The following AK5 variants were observed in gnomAD, a reference collection of about 807,000 sequenced individuals.
AK5 encodes the protein adenylate kinase isoenzyme 5.
In AK5, 27 loss-of-function variants were observed where a neutral mutation model predicts 69.5. That is an observed-to-expected ratio of 0.39 (90% confidence interval 0.29 to 0.54). The LOEUF is 0.54. AK5 is among the 20% of genes least tolerant of loss of function. AK5 has a pLI of 0.71. For missense variants in AK5, 531 were observed against 700.4 expected, an observed-to-expected ratio of 0.76 and a Z score of 2.73; for synonymous variants, 260 against 244.4, an observed-to-expected ratio of 1.06 and a Z score of -0.60.
chr1:77,286,080 A>C lies in AK5; in HGVS notation c.61-861A>C, dbSNP rs558213058. 2.6e-5 allele frequency among the ~76,000 whole-genome samples: 4 copies of C among 152,212 alleles called. No homozygotes were observed. In the East Asian group the frequency reaches 7.7e-4, roughly 29 times the overall value. ...GAAGAAGGGGTTCACAGACAAACCT[A>C]GGGATTCAGAGAAGACTTCCTGATA... On this transcript the variant is annotated intron_variant, in intron 1 of 13. Coordinates refer to ENST00000354567, the MANE Select transcript of AK5 (RefSeq NM_174858.3).
intron 12 of AK5, among the ~76,000 whole-genome samples, chr1:77,524,764 A>G (rs1658180618): frequency 6.6e-6 from 1 of 152,026 alleles, no homozygotes; most frequent in Non-Finnish European, 1.5e-5. Flanking sequence ...CAATTTATCT[A>G]TTTTTACTTC....
chr1:77,325,231 T>C (rs1277961524), intron 5 of AK5, among the ~76,000 whole-genome samples: 2 of 151,210 alleles, frequency 1.3e-5, no homozygotes, highest in African/African-American at 4.9e-5. Flanking sequence ...GGTCTCAAGC[T>C]CCTGACCTGG....
At chr1:77,554,019 C>T (rs1207398348) in intron 13 of AK5, among the ~76,000 whole-genome samples, 1 of 152,132 alleles carries the variant, frequency 6.6e-6, no homozygotes, top group East Asian at 1.9e-4. Flanking sequence ...CATAAACGAA[C>T]CTTGAAAACA....
intron 12 of AK5, among the ~76,000 whole-genome samples, chr1:77,529,640 G>T (rs1268024361): frequency 6.6e-6 from 1 of 152,144 alleles, no homozygotes; most frequent in Non-Finnish European, 1.5e-5. Context: ...CTTGAGAAGG[G>T]CTCTGTGCTT....
At chr1:77,464,831 A>G (rs1282096992) in intron 8 of AK5, among the ~76,000 whole-genome samples, 3 of 152,154 alleles carry the variant, frequency 2.0e-5, no homozygotes, top group Non-Finnish European at 2.9e-5. Flanking sequence ...TTATTAGGCC[A>G]AAAGAGATGA....
At chr1:77,482,001 G>A (rs571145066) in intron 8 of AK5, among the ~76,000 whole-genome samples, 11 of 152,316 alleles carry the variant, frequency 7.2e-5, no homozygotes, top group African/African-American at 2.6e-4. Context: ...TACTTATATG[G>A]AAATTTCTCC....
intron 5 of AK5, among the ~76,000 whole-genome samples, chr1:77,332,888 G>T (rs1486639421): frequency 6.6e-6 from 1 of 151,976 alleles, no homozygotes; most frequent in African/African-American, 2.4e-5. Context: ...TGCTCAGAAA[G>T]ATATATTAAA....
intron 6 of AK5, among the ~76,000 whole-genome samples, chr1:77,402,489 C>T (rs958969671): frequency 7.0e-6 from 1 of 141,934 alleles, no homozygotes; most frequent in Non-Finnish European, 1.5e-5. Flanking sequence ...TGTTCCCCTT[C>T]CTGTGTCCAT....
intron 5 of AK5, among the ~76,000 whole-genome samples, chr1:77,303,712 T>C (rs1346405300): frequency 6.6e-6 from 1 of 152,058 alleles, no homozygotes; most frequent in Non-Finnish European, 1.5e-5. Context: ...TCCTCAGAGG[T>C]TTAAGAGCAC....
Position 77,535,963 on chromosome 1 carries a change from C to T in AK5, c.1545C>T (p.Ala515=), listed in dbSNP as rs556740711. Residue 515 remains alanine (A), a synonymous_variant, in exon 13 of 14, where the codon GCC becomes GCT. Transcript: ENST00000354567. ...TGGACGACACCACCAAGACCATCGCCAAGCGCCTAGAAGCCTACTACCGAG... is the reference window on the plus strand; with the variant it reads ...TGGACGACACCACCAAGACCATCGCTAAGCGCCTAGAAGCCTACTACCGAG... ...LPVDDTTKTI[A]KRLEAYYRAS... The T allele has an allele frequency of 4.3e-6, 7 of 1,614,110 alleles. No homozygotes were observed. In the Admixed American group the frequency reaches 1.0e-4, roughly 23 times the overall value.
At chr1:77,300,699 T>G (rs1246904217) in intron 5 of AK5, among the ~76,000 whole-genome samples, 1 of 152,128 alleles carries the variant, frequency 6.6e-6, no homozygotes, top group Non-Finnish European at 1.5e-5. Context: ...CCCCACAGGT[T>G]AAGAGCTTAG....
chr1:77,417,310 C>T (rs1395165009), intron 7 of AK5, among the ~76,000 whole-genome samples: 1 of 152,146 alleles, frequency 6.6e-6, no homozygotes, highest in Non-Finnish European at 1.5e-5. Context: ...ATTAGTACCT[C>T]ATGAAGAATC....
intron 8 of AK5, among the ~76,000 whole-genome samples, chr1:77,418,733 G>A (rs1434318499): frequency 1.3e-5 from 2 of 152,148 alleles, no homozygotes; most frequent in African/African-American, 4.8e-5. Context: ...TCTTGGGGGA[G>A]GCTTTGTTCC....
intron 8 of AK5, among the ~76,000 whole-genome samples, chr1:77,462,214 A>C (rs892227468): frequency 6.6e-6 from 1 of 152,252 alleles, no homozygotes; most frequent in African/African-American, 2.4e-5. Flanking sequence ...CACACAAGAA[A>C]GTGATCAAGC....
At chr1:77,539,787 G>A (rs751842452) in intron 13 of AK5, among the ~76,000 whole-genome samples, 3 of 152,166 alleles carry the variant, frequency 2.0e-5, no homozygotes, top group Non-Finnish European at 2.9e-5. Flanking sequence ...GCCTGCTCCT[G>A]TGATGCTGTT....
At chr1:77,416,373 A>G (rs966566925) in intron 7 of AK5, among the ~76,000 whole-genome samples, 2 of 152,176 alleles carry the variant, frequency 1.3e-5, no homozygotes, top group African/African-American at 2.4e-5. Context: ...AGCATCACCC[A>G]GGGTTGTTCT....
intron 10 of AK5, among the ~76,000 whole-genome samples, chr1:77,511,885 G>T (rs1657368829): frequency 6.6e-6 from 1 of 152,192 alleles, no homozygotes; most frequent in Non-Finnish European, 1.5e-5. Flanking sequence ...ACCCTGTGAG[G>T]TCATAACGAC....
At chr1:77,298,682 G>C (rs1164306879) in intron 5 of AK5, among the ~76,000 whole-genome samples, 5 of 150,698 alleles carry the variant, frequency 3.3e-5, no homozygotes, top group Non-Finnish European at 5.9e-5. Flanking sequence ...AAATTAACCG[G>C]GTATAGTGGC....
chr1:77,549,741 C>T (rs1379402337), intron 13 of AK5, among the ~76,000 whole-genome samples: 3 of 152,208 alleles, frequency 2.0e-5, no homozygotes, highest in Non-Finnish European at 4.4e-5. Flanking sequence ...ACATGACTTC[C>T]AGTTCCATAC....
Sources: gnomAD v4.1 joint callset for allele counts (sites outside exome capture counted in the v4.1 genomes callset) on GRCh38, gnomAD v4.1.1 for gene constraint, MANE v1.5 for transcripts, NCBI Gene and HGNC (gene_info 2026-07-23, HGNC 2026-07-21) for gene names.